Variants in ITLN2 observed in about 807,000 individuals in gnomAD.
The protein encoded by ITLN2 is intelectin 2, also known as intelectin-2.
ITLN2 carries 29 observed loss-of-function variants against 39.4 expected under a neutral mutation model. The ratio of observed to expected loss-of-function variants is 0.74; its 90% confidence interval spans 0.55 to 1.00. The LOEUF (loss-of-function observed/expected upper bound fraction) is 1.00, where lower values mean the gene tolerates loss of function less well. ITLN2 is among the 50% of genes least tolerant of loss of function. The pLI, the probability that ITLN2 is intolerant of heterozygous loss-of-function variation, is 0.00. For synonymous variants in ITLN2, 156 were observed against 153.4 expected (o/e 1.02, Z -0.12); for missense variants, 412 against 416.7 (o/e 0.99, Z 0.10).
Position 160,952,700 on chromosome 1 carries a change from T to A in ITLN2, c.113A>T (p.Glu38Val). Residue 38 changes from glutamate (E) to valine (V), a missense_variant, in exon 3 of 8, where the codon GAA (glutamate) becomes GTA (valine). Coordinates refer to ENST00000368029, the MANE Select transcript of ITLN2 (RefSeq NM_080878.3). ...AAAGGAGAAGGCACAGGTTTCGAAT[T>A]CCCTCGAGAGCATCTCAAGAGAAGA... ...AASSLEMLSREFETCAFSFSS... is the reference protein window; with the variant it reads ...AASSLEMLSRVFETCAFSFSS... The A allele has an allele frequency of 6.2e-7, 1 of 1,614,036 alleles. No individual in the cohort carries two copies. The highest frequency in any genetic ancestry group is 8.5e-7 in the Non-Finnish European group (1 of 1,179,986).
chr1:160,945,288 C>T lies in ITLN2; in HGVS notation c.830G>A (p.Cys277Tyr). ...TGGGAAGAACCCTCCTCCACCGATG[C>T]AGTGCTGGGAAACAGAAAGAAGAAA... is the stretch of plus-strand genomic sequence containing the variant. Reference protein sequence around the residue: ...KVTGCNTEHHCIGGGGFFPQG... With the variant: ...KVTGCNTEHHYIGGGGFFPQG... Residue 277 changes from cysteine (C) to tyrosine (Y), a missense_variant, in exon 8 of 8, where the codon TGC (cysteine) becomes TAC (tyrosine). By Grantham distance (194) the Cys-to-Tyr change is radical. Transcript: ENST00000368029. The T allele has an allele frequency of 6.4e-7, 1 of 1,561,610 alleles. No individual in the cohort carries two copies. Among genetic ancestry groups the T allele is most frequent in the Non-Finnish European group, 8.6e-7 (1 of 1,163,830 alleles).
intron 6 of ITLN2, 134 bp downstream of exon 6, chr1:160,949,912 A>G (rs1440328379): frequency 3.4e-5 from 25 of 740,224 alleles, no homozygotes; most frequent in African/African-American, 8.8e-5. Flanking sequence ...AAATCATGTT[A>G]AGTTCCAAGA....
intron 7 of ITLN2, among the ~76,000 whole-genome samples, 158 bp downstream of exon 7, chr1:160,947,771 A>C (rs1671639229): frequency 6.6e-6 from 1 of 152,220 alleles, no homozygotes; most frequent in Admixed American, 6.5e-5. Context: ...GTTGGGGCTA[A>C]AGTTACAGGT....
chr1:160,951,557 C>T, intron 3 of ITLN2: 1 of 409,730 alleles, frequency 2.4e-6, no homozygotes, highest in Non-Finnish European at 4.3e-6. Context: ...TCGACAGTGC[C>T]ACCCTGTGGC....
At position 160,950,583 on chromosome 1, in the gene ITLN2, T is replaced by G. The variant is rs749847903; in HGVS notation, c.570A>C (p.Arg190Ser). 6.2e-7 allele frequency: 1 copy of G among 1,614,040 alleles called. No homozygotes were observed. Among genetic ancestry groups the G allele is most frequent in the African/African-American group, 1.3e-5 (1 of 74,928 alleles). ...RYRTNTGFLQ[R>S]LGHNLFGIYQ... is the part of the protein sequence containing the mutation. ...AGATGCCAAACAGATTATGTCCCAG[T>G]CTCTGGAGGAAGCCAGTGTTGGTGC... Residue 190 changes from arginine (R) to serine (S), a missense_variant, in exon 5 of 8, where the codon AGA (arginine) becomes AGC (serine). By Grantham distance (110) the Arg-to-Ser change is moderately radical. Transcript: ENST00000368029.
intron 6 of ITLN2, 172 bp downstream of exon 6, chr1:160,949,874 A>C: frequency 1.6e-6 from 1 of 611,846 alleles, no homozygotes; most frequent in Non-Finnish European, 2.8e-6. Flanking sequence ...CTAACTTCAT[A>C]GTTTTCTCAT....
chr1:160,952,260 G>A (rs1020200570), intron 3 of ITLN2, among the ~76,000 whole-genome samples: 2 of 152,214 alleles, frequency 1.3e-5, no homozygotes, highest in Admixed American at 1.3e-4. Flanking sequence ...AGAAAATGCT[G>A]ATGCTCTGGC....
chr1:160,953,837 T>C (rs1428685699), intron 2 of ITLN2, among the ~76,000 whole-genome samples: 2 of 152,216 alleles, frequency 1.3e-5, no homozygotes, highest in Admixed American at 6.5e-5. Context: ...ATAACTTCTT[T>C]ATACGCATGG....
At chr1:160,951,440 T>G (rs4656971) in intron 3 of ITLN2, 150 bp from the exon 4 acceptor site, 557,008 of 1,028,964 alleles carry the variant, frequency 0.54, 153,806 homozygotes, top group Middle Eastern at 0.64. Context: ...CATCTTGTGT[T>G]CTGCTCACCT....
At chr1:160,949,843 G>T in intron 6 of ITLN2, 1 of 546,162 alleles carries the variant, frequency 1.8e-6, no homozygotes, top group Non-Finnish European at 3.3e-6. Context: ...TACGTGCTGT[G>T]AAATGGGGAT....
intron 7 of ITLN2, among the ~76,000 whole-genome samples, chr1:160,945,894 A>G (rs1671589958): frequency 6.6e-6 from 1 of 152,236 alleles, no homozygotes. Flanking sequence ...AGCTTCTAAA[A>G]GTTAAGATTA....
chr1:160,945,095 G>A lies in ITLN2; in HGVS notation c.*45C>T, dbSNP rs183839802. ...CCAGTTTTTCCGTCTCCAAATAGCCGGGGTTGGAAGATGGGTTCTCGCCCT... is the reference window on the plus strand; with the variant it reads ...CCAGTTTTTCCGTCTCCAAATAGCCAGGGTTGGAAGATGGGTTCTCGCCCT... On this transcript the variant is annotated 3_prime_UTR_variant, in exon 8 of 8. Coordinates refer to ENST00000368029, the MANE Select transcript of ITLN2 (RefSeq NM_080878.3). The A allele has an allele frequency of 8.4e-4, 1,274 of 1,514,288 alleles. 5 individuals carry two copies. In the African/African-American group the frequency reaches 0.015, roughly 18 times the overall value. 93.8% of individuals were successfully genotyped at this position (1,514,288 alleles called of 1,614,324 possible).
chr1:160,952,880 C>T, intron 2 of ITLN2, 147 bp from the exon 3 acceptor site: 2 of 617,416 alleles, frequency 3.2e-6, no homozygotes, highest in Non-Finnish European at 5.7e-6. Context: ...TCTGATCCAA[C>T]AGCTGGTATA....
chr1:160,951,390 A>G, intron 3 of ITLN2, 100 bp from the exon 4 acceptor site: 1 of 1,455,900 alleles, frequency 6.9e-7, no homozygotes, highest in South Asian at 1.4e-5. Flanking sequence ...GCACACTCAG[A>G]AGACTCCAAC....
chr1:160,946,242 C>T (rs534677937), intron 7 of ITLN2, among the ~76,000 whole-genome samples: 14 of 151,706 alleles, frequency 9.2e-5, no homozygotes, highest in Non-Finnish European at 2.1e-4. Context: ...ACCCGGGAGG[C>T]AGAGGTTGCA....
At chr1:160,953,099 G>C (rs1671782911) in intron 2 of ITLN2, among the ~76,000 whole-genome samples, 2 of 152,218 alleles carry the variant, frequency 1.3e-5, no homozygotes, top group Non-Finnish European at 2.9e-5. Flanking sequence ...GAAGGGACCA[G>C]CTGTAACTCA....
chr1:160,952,696 GA>G lies in ITLN2; in HGVS notation c.116del (p.Phe39SerfsTer46). 1 of 1,613,988 alleles carries G rather than the reference GA, an allele frequency of 6.2e-7. No homozygotes were observed. The highest frequency in any genetic ancestry group is 8.5e-7 in the Non-Finnish European group (1 of 1,179,944). ...AAGAAAAGGAGAAGGCACAGGTTTC[GA>G]ATTCCCTCGAGAGCATCTCAAGAGA... ...ASSLEMLSRE[F>X]ETCAFSFSSL... is the part of the protein sequence containing the mutation. On this transcript the variant is annotated frameshift_variant, in exon 3 of 8. Coordinates refer to ENST00000368029, the MANE Select transcript of ITLN2 (RefSeq NM_080878.3). LOFTEE classifies it high-confidence loss of function.
At chr1:160,954,242 G>GCTGCCAAGCCTGGGTTCC in intron 2 of ITLN2, 145 bp downstream of exon 2, 1 of 645,070 alleles carries the variant, frequency 1.6e-6, no homozygotes, top group South Asian at 1.9e-5. Context: ...CCTCAAGTTG[G>GCTGCCAAGCCTGGGTTCC]CTGCCTAGCC....
chr1:160,949,192 G>T (rs1671677274), intron 6 of ITLN2: 1 of 152,194 alleles, frequency 6.6e-6, no homozygotes, highest in African/African-American at 2.4e-5. Context: ...ATTGCCGCCA[G>T]CATGTCTCAC....
Sources: allele counts gnomAD v4.1 joint callset (sites outside exome capture counted in the v4.1 genomes callset), GRCh38; gene constraint gnomAD v4.1.1; transcripts MANE v1.5; gene names NCBI Gene and HGNC (gene_info 2026-07-23, HGNC 2026-07-21).